The following ASB13 variants were observed in gnomAD, a reference collection of about 807,000 sequenced individuals.
ASB13 encodes ankyrin repeat and SOCS box protein 13.
In ASB13, 33 loss-of-function variants were observed where a neutral mutation model predicts 28.8. That is an observed-to-expected ratio of 1.15 (90% confidence interval 0.87 to 1.53). The LOEUF is 1.53. ASB13 is among the 40% of genes most tolerant of loss of function. ASB13 has a pLI of 0.00. For synonymous variants in ASB13, 182 were observed against 172.9 expected (o/e 1.05, Z -0.41); for missense variants, 414 against 390.1 (o/e 1.06, Z -0.52).
rs1313059303 is a variant in ASB13 at position 5,641,075 on chromosome 10, G to GGTTTTTT, written c.710-252_710-246dup. On this transcript the variant is annotated intron_variant, in intron 5 of 5. Coordinates refer to ENST00000357700, the MANE Select transcript of ASB13 (RefSeq NM_024701.4). This position sits in a 1 kb window ranked among gnomAD's most constrained non-coding sequence, Gnocchi z 8.4. ...GCTTTGGGAGTTTGTTTGGTTTTGAGGTTTTTTGTTTTTTGTTTTTTGAGA... is the reference window on the plus strand; with the variant it reads ...GCTTTGGGAGTTTGTTTGGTTTTGAGGTTTTTTGTTTTTTGTTTTTTGTTTTTTGAGA... 3.9e-5 allele frequency among the ~76,000 whole-genome samples: 6 copies of GGTTTTTT among 152,108 alleles called. No homozygotes were observed. In the South Asian group the frequency reaches 1.0e-3, roughly 26 times the overall value.
chr10:5,660,922 T>C lies in ASB13; in HGVS notation c.43+5587A>G, dbSNP rs956133135. On this transcript the variant is annotated intron_variant, in intron 1 of 5. Coordinates refer to ENST00000357700, the MANE Select transcript of ASB13 (RefSeq NM_024701.4). The surrounding 1 kb of genome is among the most constrained non-coding windows in gnomAD (Gnocchi z 6.1). Reference sequence around the variant, plus strand: ...CAGTGTGCCGGGCCATCTCGCCAGCTGGCTGCTGCACAGCCAGGTTCTGCT... The same window carrying C: ...CAGTGTGCCGGGCCATCTCGCCAGCCGGCTGCTGCACAGCCAGGTTCTGCT... Among the ~76,000 whole-genome samples the C allele has an allele frequency of 6.6e-6, 1 of 152,230 alleles. No individual in the cohort carries two copies. Among genetic ancestry groups the C allele is most frequent in the African/African-American group, 2.4e-5 (1 of 41,448 alleles).
Position 5,661,334 on chromosome 10 carries a change from G to A in ASB13, c.43+5175C>T, listed in dbSNP as rs570016686. On this transcript the variant is annotated intron_variant, in intron 1 of 5. Transcript: ENST00000357700. This position sits in a 1 kb window ranked among gnomAD's most constrained non-coding sequence, Gnocchi z 4.9. ...AGCCACTTGCCCCCAACCCCGCCCC[G>A]CCGAGCCTGGGGCCTCTCCAGGGTC... Among the ~76,000 whole-genome samples, 9 of 152,306 alleles carry A rather than the reference G, an allele frequency of 5.9e-5. No homozygotes were observed. In the South Asian group the frequency reaches 8.3e-4, roughly 14 times the overall value.
intron 1 of ASB13, among the ~76,000 whole-genome samples, chr10:5,654,224 AG>A (rs1249420347): frequency 6.7e-6 from 1 of 148,684 alleles, no homozygotes. Context: ...AGCTAAGCAG[AG>A]GTGAGGGAGA....
rs564601365 is a variant in ASB13 at position 5,645,447 on chromosome 10, T to C, written c.518-3486A>G. Among the ~76,000 whole-genome samples the C allele has an allele frequency of 2.0e-5, 3 of 152,162 alleles. No homozygotes were observed. Among genetic ancestry groups the C allele is most frequent in the Non-Finnish European group, 4.4e-5 (3 of 68,020 alleles). ...CAGATTAAAAATTACTTCACCATCATAACCGGACTTTCACCCTCCCCAGCC... is the reference window on the plus strand; with the variant it reads ...CAGATTAAAAATTACTTCACCATCACAACCGGACTTTCACCCTCCCCAGCC... On this transcript the variant is annotated intron_variant, in intron 4 of 5. Transcript: ENST00000357700. This position sits in a 1 kb window ranked among gnomAD's most constrained non-coding sequence, Gnocchi z 5.4.
At position 5,640,438 on chromosome 10, in the gene ASB13, G is replaced by C; in HGVS notation, c.*265C>G. The C allele has an allele frequency of 2.5e-6, 1 of 392,864 alleles. No homozygotes were observed. Among genetic ancestry groups the C allele is most frequent in the Non-Finnish European group, 4.6e-6 (1 of 215,196 alleles). 24.3% of individuals were successfully genotyped at this position (392,864 alleles called of 1,614,324 possible). A position where few individuals can be genotyped will look rare whatever the true frequency, so the allele number is the denominator to read the frequency against. On this transcript the variant is annotated 3_prime_UTR_variant, in exon 6 of 6. Transcript: ENST00000357700. Reference sequence around the variant, plus strand: ...CGTAAAAGAGGAAAACTGGATGGTTGGGCCCATGCCCATTGAGAGGGTAGG... The same window carrying C: ...CGTAAAAGAGGAAAACTGGATGGTTCGGCCCATGCCCATTGAGAGGGTAGG...
chr10:5,641,773 C>G lies in ASB13; in HGVS notation c.706G>C (p.Glu236Gln). The G allele has an allele frequency of 6.3e-7, 1 of 1,583,844 alleles. No individual in the cohort carries two copies. Among genetic ancestry groups the G allele is most frequent in the Non-Finnish European group, 8.6e-7 (1 of 1,162,944 alleles). Residue 236 changes from glutamate to glutamine, a missense_variant, in exon 5 of 6, where the codon GAA becomes CAA. Transcript: ENST00000357700. This position sits in a 1 kb window ranked among gnomAD's most constrained non-coding sequence, Gnocchi z 8.4. ...TGCGCTCGGTGGGGTGTCTCACTTT[C>G]GTAGTACTCGAAGCACTTGGCGGGA... ...SAPAKCFEYY[E>Q]KTPLTLSQLC...
Position 5,642,935 on chromosome 10 carries a change from T to A in ASB13, c.518-974A>T, listed in dbSNP as rs899170040. On this transcript the variant is annotated intron_variant, in intron 4 of 5. Transcript: ENST00000357700. The surrounding 1 kb of genome is among the most constrained non-coding windows in gnomAD (Gnocchi z 4.1). ...GCATTTTGCAACACACTAAAAAAAA[T>A]TTTGATAAAAATATGATTTTTGTAA... is the stretch of plus-strand genomic sequence containing the variant. 6.6e-6 allele frequency among the ~76,000 whole-genome samples: 1 copy of A among 152,116 alleles called. No individual in the cohort carries two copies. Among genetic ancestry groups the A allele is most frequent in the Non-Finnish European group, 1.5e-5 (1 of 68,010 alleles).
In ASB13 at chr10:5,649,676, C is replaced by T. The variant is rs948924462; in HGVS notation, c.383-572G>A. Among the ~76,000 whole-genome samples the T allele has an allele frequency of 2.0e-5, 3 of 152,136 alleles. No homozygotes were observed. The highest frequency in any genetic ancestry group is 1.9e-4 in the East Asian group (1 of 5,168). On this transcript the variant is annotated intron_variant, in intron 3 of 5. Transcript: ENST00000357700. The surrounding 1 kb of genome is among the most constrained non-coding windows in gnomAD (Gnocchi z 6.4). ...AAATAGCTGGAATTACAGGCATGCACCACCGTGCCCGACTAATTTTTTTGT... is the reference window on the plus strand; with the variant it reads ...AAATAGCTGGAATTACAGGCATGCATCACCGTGCCCGACTAATTTTTTTGT...
In ASB13 at chr10:5,648,855, C is replaced by T. The variant is rs890602702; in HGVS notation, c.517+115G>A. Reference sequence around the variant, plus strand: ...ACATCCACTCCGGTAAACACCCACTCGGGTAAACACCCACTCGGGCAAACA... The same window carrying T: ...ACATCCACTCCGGTAAACACCCACTTGGGTAAACACCCACTCGGGCAAACA... On this transcript the variant is annotated intron_variant, in intron 4 of 5. Coordinates refer to ENST00000357700, the MANE Select transcript of ASB13 (RefSeq NM_024701.4). 14 of 1,530,784 alleles carry T rather than the reference C, an allele frequency of 9.1e-6. No individual in the cohort carries two copies. The African/African-American group carries it at 1.2e-4, about 14-fold the overall frequency. The allele number at this position is 1,530,784 out of a possible 1,614,324, so 94.8% of individuals were successfully genotyped here.
chr10:5,662,256 C>T (rs370377024), intron 1 of ASB13, among the ~76,000 whole-genome samples: 14 of 152,074 alleles, frequency 9.2e-5, no homozygotes, highest in East Asian at 5.8e-4. Context: ...CAGTGGCTCA[C>T]GCCTGTAATC....
Position 5,664,451 on chromosome 10 carries a change from A to G in ASB13, c.43+2058T>C, listed in dbSNP as rs1238851207. ...ACACCCGCCATGTCCAAGAAAAGCA[A>G]GACATTACACAAAAAGAGAAACATA... On this transcript the variant is annotated intron_variant, in intron 1 of 5. Transcript: ENST00000357700. This position sits in a 1 kb window ranked among gnomAD's most constrained non-coding sequence, Gnocchi z 4.2. Among the ~76,000 whole-genome samples, 1 of 152,208 alleles carries G rather than the reference A, an allele frequency of 6.6e-6. No homozygotes were observed. Among genetic ancestry groups the G allele is most frequent in the Admixed American group, 6.5e-5 (1 of 15,286 alleles).
rs1009768809 is a variant in ASB13 at position 5,641,932 on chromosome 10, C to T, written c.547G>A (p.Glu183Lys). The change falls in exon 5 of 6, where the codon GAG becomes AAG. Residue 183 changes from glutamate to lysine, a missense_variant. Physicochemically the swap from Glu to Lys is moderately conservative, Grantham distance 56. Coordinates refer to ENST00000357700, the MANE Select transcript of ASB13 (RefSeq NM_024701.4). This position sits in a 1 kb window ranked among gnomAD's most constrained non-coding sequence, Gnocchi z 8.4. ...GANVNAAKLH[E>K]TALHHAAKVK... The stretch of plus-strand genomic sequence containing the variant: ...TTGGCCGCGTGGTGAAGGGCAGTCT[C>T]ATGAAGCTTTGCCGCATTCACGTTG... 3 of 1,610,418 alleles carry T rather than the reference C, an allele frequency of 1.9e-6. No homozygotes were observed. Among genetic ancestry groups the T allele is most frequent in the Admixed American group, 1.7e-5 (1 of 59,982 alleles).
chr10:5,655,997 G>A lies in ASB13; in HGVS notation c.44-2947C>T, dbSNP rs1835067490. ...CAGTCAGGGACCAGGGAATAAATGC[G>A]CAGATAATTCACAACATGACAACTG... On this transcript the variant is annotated intron_variant, in intron 1 of 5. Coordinates refer to ENST00000357700, the MANE Select transcript of ASB13 (RefSeq NM_024701.4). The surrounding 1 kb of genome is among the most constrained non-coding windows in gnomAD (Gnocchi z 6.2). Among the ~76,000 whole-genome samples, 1 of 152,196 alleles carries A rather than the reference G, an allele frequency of 6.6e-6. No individual in the cohort carries two copies. The highest frequency in any genetic ancestry group is 2.4e-5 in the African/African-American group (1 of 41,440).
chr10:5,653,870 T>A (rs572837977), intron 1 of ASB13, among the ~76,000 whole-genome samples: 1 of 152,184 alleles, frequency 6.6e-6, no homozygotes, highest in South Asian at 2.1e-4. Context: ...TCAGTAGAGA[T>A]GGGGTTTCAC....
At position 5,663,436 on chromosome 10, in the gene ASB13, C is replaced by A. The variant is rs1835206284; in HGVS notation, c.43+3073G>T. ...ATCTGCTACCCCGACTCCTCCCTTG[C>A]CCCTGGTCCACCCCAAAGGCTATGG... On this transcript the variant is annotated intron_variant, in intron 1 of 5. Coordinates refer to ENST00000357700, the MANE Select transcript of ASB13 (RefSeq NM_024701.4). The surrounding 1 kb of genome is among the most constrained non-coding windows in gnomAD (Gnocchi z 4.9). 1.3e-5 allele frequency among the ~76,000 whole-genome samples: 2 copies of A among 152,184 alleles called. No homozygotes were observed. Among genetic ancestry groups the A allele is most frequent in the Non-Finnish European group, 2.9e-5 (2 of 68,024 alleles).
At position 5,664,607 on chromosome 10, in the gene ASB13, C is replaced by T. The variant is rs1835226565; in HGVS notation, c.43+1902G>A. Among the ~76,000 whole-genome samples the T allele has an allele frequency of 6.6e-6, 1 of 152,100 alleles. No homozygotes were observed. Among genetic ancestry groups the T allele is most frequent in the Admixed American group, 6.5e-5 (1 of 15,278 alleles). ...AACGTACGGGGGAGTGGGGGAGCAG[C>T]CAGTAGGTTAGAGGTTCATCTACCA... is the stretch of plus-strand genomic sequence containing the variant. On this transcript the variant is annotated intron_variant, in intron 1 of 5. Transcript: ENST00000357700. The surrounding 1 kb of genome is among the most constrained non-coding windows in gnomAD (Gnocchi z 4.2).
Position 5,661,262 on chromosome 10 carries a change from C to T in ASB13, c.43+5247G>A, listed in dbSNP as rs566359024. Among the ~76,000 whole-genome samples, 16 of 152,254 alleles carry T rather than the reference C, an allele frequency of 1.1e-4. No individual in the cohort carries two copies. The highest frequency in any genetic ancestry group is 3.4e-4 in the African/African-American group (14 of 41,552). ...ACTGCCCTGCCTGCACCCACACTGG[C>T]GGGCCTCACTTGACCCACACAGGGA... On this transcript the variant is annotated intron_variant, in intron 1 of 5. Coordinates refer to ENST00000357700, the MANE Select transcript of ASB13 (RefSeq NM_024701.4). This position sits in a 1 kb window ranked among gnomAD's most constrained non-coding sequence, Gnocchi z 4.9.
At chr10:5,657,075 C>A (rs1177670454) in intron 1 of ASB13, among the ~76,000 whole-genome samples, 2 of 152,158 alleles carry the variant, frequency 1.3e-5, no homozygotes, top group Non-Finnish European at 2.9e-5. Context: ...AATTTTATTT[C>A]TCTGTATCAC....
At position 5,644,174 on chromosome 10, in the gene ASB13, G is replaced by C. The variant is rs962003640; in HGVS notation, c.518-2213C>G. Among the ~76,000 whole-genome samples the C allele has an allele frequency of 6.6e-6, 1 of 152,202 alleles. No homozygotes were observed. Among genetic ancestry groups the C allele is most frequent in the African/African-American group, 2.4e-5 (1 of 41,462 alleles). On this transcript the variant is annotated intron_variant, in intron 4 of 5. Coordinates refer to ENST00000357700, the MANE Select transcript of ASB13 (RefSeq NM_024701.4). The surrounding 1 kb of genome is among the most constrained non-coding windows in gnomAD (Gnocchi z 5.1). Reference sequence around the variant, plus strand: ...GTGAGCCAAGAAGAGAGTCAGAGATGAAACTCGATCAGCTATGTTCATTAA... The same window carrying C: ...GTGAGCCAAGAAGAGAGTCAGAGATCAAACTCGATCAGCTATGTTCATTAA...
Sources: gnomAD v4.1 joint callset for allele counts (sites outside exome capture counted in the v4.1 genomes callset) on GRCh38, gnomAD v4.1.1 for gene constraint, Gnocchi (gnomAD v3.1) non-coding constraint, MANE v1.5 for transcripts, NCBI Gene and HGNC (gene_info 2026-07-23, HGNC 2026-07-21) for gene names.